The following VTI1A variants were observed in gnomAD, a reference collection of about 807,000 sequenced individuals.
VTI1A encodes the protein vesicle transport through interaction with t-SNAREs 1A, also known as vesicle transport through interaction with t-SNAREs homolog 1A.
In VTI1A, 22 loss-of-function variants were observed where a neutral mutation model predicts 34.9. The ratio of observed to expected loss-of-function variants is 0.63; its 90% confidence interval spans 0.45 to 0.90. The LOEUF is 0.90. Ranked by LOEUF, VTI1A falls within the 40% of genes least tolerant of loss-of-function variation. The pLI is 0.00. For synonymous variants in VTI1A, 87 were observed against 97.3 expected (o/e 0.89, Z 0.62); for missense variants, 268 against 275.6 (o/e 0.97, Z 0.20).
At chr10:112,743,558 C>T (rs1850773852) in intron 7 of VTI1A, among the ~76,000 whole-genome samples, 1 of 152,130 alleles carries the variant, frequency 6.6e-6, no homozygotes, top group Non-Finnish European at 1.5e-5. Context: ...CACTTCCGCC[C>T]CAGCTGGCCA....
At chr10:112,638,788 C>G (rs1182455527) in intron 5 of VTI1A, among the ~76,000 whole-genome samples, 1 of 142,664 alleles carries the variant, frequency 7.0e-6, no homozygotes, top group South Asian at 2.2e-4. Context: ...ATTACCATTT[C>G]CTTCTGGCTT....
intron 7 of VTI1A, among the ~76,000 whole-genome samples, chr10:112,786,589 C>CT (rs1212918408): frequency 6.6e-6 from 1 of 152,170 alleles, no homozygotes; most frequent in African/African-American, 2.4e-5. Context: ...CATAGATGCT[C>CT]TTTATTGAGT....
chr10:112,806,389 G>A (rs10885385), intron 7 of VTI1A, among the ~76,000 whole-genome samples: 30,932 of 151,760 alleles, frequency 0.2, 3,867 homozygotes, highest in East Asian at 0.28. Flanking sequence ...GGGTTCAAGC[G>A]ATTCTCCTGC....
At chr10:112,594,973 A>G (rs1844564710) in intron 5 of VTI1A, among the ~76,000 whole-genome samples, 2 of 146,890 alleles carry the variant, frequency 1.4e-5, no homozygotes, top group South Asian at 2.2e-4. Flanking sequence ...ATATAGATCA[A>G]TGGAACAGAA....
intron 7 of VTI1A, among the ~76,000 whole-genome samples, chr10:112,784,212 C>T (rs537931323): frequency 1.7e-4 from 26 of 152,308 alleles, no homozygotes; most frequent in African/African-American, 2.9e-4. Context: ...CCCGTGTGTA[C>T]GTGTCAGAGA....
intron 5 of VTI1A, among the ~76,000 whole-genome samples, chr10:112,659,265 G>T (rs1237278641): frequency 6.6e-6 from 1 of 152,136 alleles, no homozygotes; most frequent in Non-Finnish European, 1.5e-5. Context: ...GCCCATTCAG[G>T]TTTTCTGCTG....
chr10:112,760,634 C>T (rs1382242712), intron 7 of VTI1A, among the ~76,000 whole-genome samples: 5 of 152,124 alleles, frequency 3.3e-5, no homozygotes, highest in Admixed American at 3.3e-4. Flanking sequence ...CTCACGCCTG[C>T]AATCCCAGCA....
At chr10:112,469,422 T>C (rs762888237) in intron 3 of VTI1A, among the ~76,000 whole-genome samples, 5 of 152,234 alleles carry the variant, frequency 3.3e-5, no homozygotes, top group African/African-American at 9.6e-5. Flanking sequence ...TTAAGATTCA[T>C]CATACTCCCA....
At position 112,767,733 on chromosome 10, in the gene VTI1A, G is replaced by GA. The variant is rs953016291; in HGVS notation, c.561-47551dup. ...TTCTCCCAATTTTCTTGGTTGCGAT[G>GA]AAAAAATAATAATTTTTAAAATTGT... On this transcript the variant is annotated intron_variant, in intron 7 of 7. Transcript: ENST00000393077. The surrounding 1 kb of genome is among the most constrained non-coding windows in gnomAD (Gnocchi z 4.0). 1.1e-4 allele frequency among the ~76,000 whole-genome samples: 17 copies of GA among 151,270 alleles called. No individual in the cohort carries two copies. Among genetic ancestry groups the GA allele is most frequent in the African/African-American group, 4.1e-4 (17 of 41,118 alleles).
chr10:112,702,808 A>T (rs535056319), intron 7 of VTI1A, among the ~76,000 whole-genome samples: 2 of 152,146 alleles, frequency 1.3e-5, no homozygotes, highest in African/African-American at 4.8e-5. Context: ...CTGGTGTTGA[A>T]CTCCTAGGCT....
intron 7 of VTI1A, among the ~76,000 whole-genome samples, chr10:112,745,906 A>G (rs574942252): frequency 6.6e-6 from 1 of 152,342 alleles, no homozygotes; most frequent in Non-Finnish European, 1.5e-5. Context: ...AGGTAGCAAG[A>G]GACAGAGCTA....
At chr10:112,815,142 CACACACACACACACA>C in intron 7 of VTI1A, 133 bp from the exon 8 acceptor site, 1 of 382,346 alleles carries the variant, frequency 2.6e-6, no homozygotes, top group African/African-American at 2.4e-5. Context: ...CGCGCGCGCA[CACACACACACACACA>C]CACACACACA....
rs1474776991 is a variant in VTI1A, at chr10:112,796,417, A to AG, written c.561-18873_561-18872insG. On this transcript the variant is annotated intron_variant, in intron 7 of 7. Coordinates refer to ENST00000393077, the MANE Select transcript of VTI1A (RefSeq NM_145206.4). ...CAAGACTCCGTCAAAAAAAAAAAAA[A>AG]AAAAGAAGGCTGTCATGTGTCTGCA... Among the ~76,000 whole-genome samples, 11 of 107,224 alleles carry AG rather than the reference A, an allele frequency of 1.0e-4. No homozygotes were observed. The South Asian group carries it at 1.7e-3, about 17-fold the overall frequency. 70.3% of individuals were successfully genotyped at this position (107,224 alleles called of 152,430 possible).
At chr10:112,594,720 A>T (rs1456631766) in intron 5 of VTI1A, among the ~76,000 whole-genome samples, 2 of 152,018 alleles carry the variant, frequency 1.3e-5, no homozygotes, top group Admixed American at 1.3e-4. Context: ...AACATCGTGA[A>T]AATGGCCATA....
At chr10:112,525,869 C>T (rs969528999) in intron 3 of VTI1A, among the ~76,000 whole-genome samples, 4 of 152,124 alleles carry the variant, frequency 2.6e-5, no homozygotes, top group African/African-American at 9.7e-5. Flanking sequence ...CAAGCAGTGT[C>T]GCTTATTCAC....
At chr10:112,618,066 A>C (rs1845571649) in intron 5 of VTI1A, among the ~76,000 whole-genome samples, 1 of 152,124 alleles carries the variant, frequency 6.6e-6, no homozygotes, top group Non-Finnish European at 1.5e-5. Flanking sequence ...AAGCAGGAGA[A>C]TCACTTGAAC....
intron 5 of VTI1A, among the ~76,000 whole-genome samples, chr10:112,593,370 T>C (rs542858716): frequency 6.6e-6 from 1 of 152,210 alleles, no homozygotes; most frequent in Admixed American, 6.5e-5. Context: ...AAAGATAGGA[T>C]TATGAAGTGA....
rs530295153 is a variant in VTI1A at position 112,743,647 on chromosome 10, T to C, written c.561-71643T>C. On this transcript the variant is annotated intron_variant, in intron 7 of 7. Transcript: ENST00000393077. ...TCTCTGCCTTTGGAAGGTTGGAGTC[T>C]CCTGAGGTTTGGATTTAAACTCCAC... is the stretch of plus-strand genomic sequence containing the variant. 9.8e-5 allele frequency among the ~76,000 whole-genome samples: 15 copies of C among 152,312 alleles called. No homozygotes were observed. In the South Asian group the frequency reaches 3.1e-3, roughly 32 times the overall value.
chr10:112,769,506 C>T (rs1205074051), intron 7 of VTI1A, among the ~76,000 whole-genome samples: 1 of 152,144 alleles, frequency 6.6e-6, no homozygotes, highest in East Asian at 1.9e-4. Flanking sequence ...TTTGATAAGC[C>T]AGACTTGCCA....
Sources: allele counts gnomAD v4.1 joint callset (sites outside exome capture counted in the v4.1 genomes callset), GRCh38; gene constraint gnomAD v4.1.1; non-coding constraint Gnocchi (gnomAD v3.1); transcripts MANE v1.5; gene names NCBI Gene and HGNC (gene_info 2026-07-23, HGNC 2026-07-21).